Variants in CACNA1E observed in about 807,000 individuals in gnomAD.
The protein encoded by CACNA1E is voltage-dependent R-type calcium channel subunit alpha-1E.
In CACNA1E, 40 loss-of-function variants were observed where a neutral mutation model predicts 259.2. The observed-to-expected ratio is 0.15, with a 90% confidence interval of 0.12 to 0.20. The LOEUF is 0.20. CACNA1E is among the 10% of genes least tolerant of loss of function. The pLI is 1.00. For synonymous variants in CACNA1E, 1,104 were observed against 1,138.5 expected, an observed-to-expected ratio of 0.97 and a Z score of 0.61; for missense variants, 1,874 against 3,040.1, an observed-to-expected ratio of 0.62 and a Z score of 9.02.
intron 1 of CACNA1E, among the ~76,000 whole-genome samples, chr1:181,381,080 C>T (rs542421690): frequency 6.6e-5 from 10 of 151,916 alleles, no homozygotes; most frequent in African/African-American, 2.2e-4. Context: ...GCAGGAGAAT[C>T]GCTTGAACCC....
chr1:181,508,147 T>TTGTG (rs55742094), intron 1 of CACNA1E, among the ~76,000 whole-genome samples: 34,729 of 148,782 alleles, frequency 0.23, 4,377 homozygotes, highest in African/African-American at 0.34. Context: ...CCCAAACGCC[T>TTGTG]TGTGTGTGTG....
At chr1:181,522,436 G>A (rs1462659628) in intron 3 of CACNA1E, among the ~76,000 whole-genome samples, 2 of 152,144 alleles carry the variant, frequency 1.3e-5, no homozygotes, top group Admixed American at 1.3e-4. Flanking sequence ...AAAATGCTTT[G>A]CTGAGAACAT....
chr1:181,623,725 A>C (rs1655936765), intron 6 of CACNA1E, among the ~76,000 whole-genome samples: 1 of 152,214 alleles, frequency 6.6e-6, no homozygotes. Flanking sequence ...CGTGTCAAAA[A>C]AACATATCTA....
At chr1:181,638,353 G>C (rs1657428801) in intron 6 of CACNA1E, among the ~76,000 whole-genome samples, 1 of 152,172 alleles carries the variant, frequency 6.6e-6, no homozygotes, top group Non-Finnish European at 1.5e-5. Flanking sequence ...TATTTTCTCT[G>C]CTGGCATTGT....
At chr1:181,769,572 G>T (rs771329) in intron 35 of CACNA1E, among the ~76,000 whole-genome samples, 4 of 150,916 alleles carry the variant, frequency 2.7e-5, no homozygotes, top group Admixed American at 1.3e-4. Context: ...CACCATGCCC[G>T]GCTTGACTTG....
chr1:181,361,280 G>T (rs1653868793), intron 1 of CACNA1E, among the ~76,000 whole-genome samples: 1 of 152,140 alleles, frequency 6.6e-6, no homozygotes. Context: ...ACTCAATGAG[G>T]GAAGGACAGA....
chr1:181,657,159 A>G (rs938389322), intron 7 of CACNA1E, among the ~76,000 whole-genome samples: 4 of 152,230 alleles, frequency 2.6e-5, no homozygotes, highest in African/African-American at 9.6e-5. Flanking sequence ...AAGCATAGTA[A>G]GTAGGTCCTC....
chr1:181,622,981 T>G lies in CACNA1E; in HGVS notation c.952-28357T>G, dbSNP rs147798943. Among the ~76,000 whole-genome samples, 50 of 152,346 alleles carry G rather than the reference T, an allele frequency of 3.3e-4. No individual in the cohort carries two copies. In the East Asian group the frequency reaches 7.1e-3, roughly 22 times the overall value. ...ACTTCCTGTGGTGAAGGAAATTTTC[T>G]AATTTCTTTTATTAGGCTAATTAGG... On this transcript the variant is annotated intron_variant, in intron 6 of 47. Transcript: ENST00000367573.
chr1:181,794,314 G>A (rs1183673280), intron 45 of CACNA1E, among the ~76,000 whole-genome samples: 1 of 152,222 alleles, frequency 6.6e-6, no homozygotes, highest in Non-Finnish European at 1.5e-5. Context: ...CAAAATGCCA[G>A]AATTTAAAAC....
At chr1:181,575,854 T>G (rs917593281) in intron 3 of CACNA1E, among the ~76,000 whole-genome samples, 1 of 152,228 alleles carries the variant, frequency 6.6e-6, no homozygotes, top group African/African-American at 2.4e-5. Flanking sequence ...CCTTCTTTTT[T>G]GTGGTTCTCT....
chr1:181,780,793 G>A (rs1453219662), intron 38 of CACNA1E, among the ~76,000 whole-genome samples: 1 of 152,172 alleles, frequency 6.6e-6, no homozygotes, highest in Non-Finnish European at 1.5e-5. Flanking sequence ...TGGAAGCAAC[G>A]GGGCCAACTC....
chr1:181,529,948 C>T (rs981908251), intron 3 of CACNA1E, among the ~76,000 whole-genome samples: 1 of 152,066 alleles, frequency 6.6e-6, no homozygotes, highest in Non-Finnish European at 1.5e-5. Context: ...GGGAAGGCAT[C>T]ATTAGTTTTG....
chr1:181,785,908 G>T (rs767571962), intron 43 of CACNA1E, 89 bp downstream of exon 43: 1 of 787,520 alleles, frequency 1.3e-6, no homozygotes, highest in Non-Finnish European at 2.1e-6. Context: ...TGCTCAGAAG[G>T]GCCCAAGAAC....
At chr1:181,550,292 A>G (rs1647984821) in intron 3 of CACNA1E, among the ~76,000 whole-genome samples, 1 of 152,002 alleles carries the variant, frequency 6.6e-6, no homozygotes, top group Non-Finnish European at 1.5e-5. Context: ...TGGAGAGGGG[A>G]TGAGGGTGGC....
At chr1:181,711,791 G>A (rs1653392418) in intron 8 of CACNA1E, among the ~76,000 whole-genome samples, 1 of 152,102 alleles carries the variant, frequency 6.6e-6, no homozygotes, top group Non-Finnish European at 1.5e-5. Context: ...GGAAGGAATA[G>A]GGAGGAGGAA....
At chr1:181,356,704 G>A (rs1250849283) in intron 1 of CACNA1E, among the ~76,000 whole-genome samples, 2 of 152,212 alleles carry the variant, frequency 1.3e-5, no homozygotes, top group Non-Finnish European at 2.9e-5. Context: ...AGCTGCGGCG[G>A]TGGAGGCTGT....
At chr1:181,731,747 G>C (rs1002285657) in intron 19 of CACNA1E, among the ~76,000 whole-genome samples, 2 of 152,182 alleles carry the variant, frequency 1.3e-5, no homozygotes, top group South Asian at 4.1e-4. Flanking sequence ...TGAAATGCTC[G>C]ATCGCAGTTT....
chr1:181,755,217 G>C lies in CACNA1E; in HGVS notation c.3829-20G>C. Reference sequence around the variant, plus strand: ...ACCATCACAGGGTTCACACAGCAGGGCTGTTTGCTCTGTCCACAGGCCGTC... The same window carrying C: ...ACCATCACAGGGTTCACACAGCAGGCCTGTTTGCTCTGTCCACAGGCCGTC... On this transcript the variant is annotated intron_variant, in intron 27 of 47. Coordinates refer to ENST00000367573, the MANE Select transcript of CACNA1E (RefSeq NM_001205293.3). 1 of 1,607,310 alleles carries C rather than the reference G, an allele frequency of 6.2e-7. No homozygotes were observed. Among genetic ancestry groups the C allele is most frequent in the Non-Finnish European group, 8.5e-7 (1 of 1,175,916 alleles).
At chr1:181,738,062 G>A (rs529869437) in intron 23 of CACNA1E, among the ~76,000 whole-genome samples, 17 of 152,342 alleles carry the variant, frequency 1.1e-4, no homozygotes, top group African/African-American at 2.4e-4. Context: ...TTCAGGTCCC[G>A]AGCCTGAACT....
Sources: gnomAD v4.1 joint callset for allele counts (sites outside exome capture counted in the v4.1 genomes callset) on GRCh38, gnomAD v4.1.1 for gene constraint, MANE v1.5 for transcripts, NCBI Gene and HGNC (gene_info 2026-07-23, HGNC 2026-07-21) for gene names.